Variants in AKR1B10 observed in about 807,000 individuals in gnomAD.
AKR1B10 encodes aldo-keto reductase family 1 member B10, also known as ARP.
A neutral mutation model predicts 38.9 loss-of-function variants in AKR1B10; 39 were observed. The ratio of observed to expected loss-of-function variants is 1.00; its 90% CI spans 0.78 to 1.31. The LOEUF (loss-of-function observed/expected upper bound fraction) is 1.31, where lower values mean the gene tolerates loss of function less well. Ranked by LOEUF, AKR1B10 falls within the 50% of genes most tolerant of loss-of-function variation. The probability of loss-of-function intolerance (pLI) is 0.00; values close to 1 mark genes in which losing one functional copy is unlikely to be tolerated. For missense variants in AKR1B10, 361 were observed against 382.6 expected, an observed-to-expected ratio of 0.94 and a Z score of 0.47; for synonymous variants, 148 against 141.2, an observed-to-expected ratio of 1.05 and a Z score of -0.34.
chr7:134,532,574 G>A (rs1365413676), intron 3 of AKR1B10, among the ~76,000 whole-genome samples: 2 of 152,160 alleles, frequency 1.3e-5, no homozygotes, highest in African/African-American at 2.4e-5. Context: ...ACCAACTGGA[G>A]TGATGATGGC....
At chr7:134,533,242 G>A (rs552042119) in intron 4 of AKR1B10, among the ~76,000 whole-genome samples, 161 bp downstream of exon 4, 29 of 152,152 alleles carry the variant, frequency 1.9e-4, no homozygotes, top group African/African-American at 6.7e-4. Context: ...TGGCTTTTGG[G>A]TACATCTGAT....
At chr7:134,532,062 G>A (rs1807873694) in intron 3 of AKR1B10, 38 bp downstream of exon 3, 9 of 1,611,394 alleles carry the variant, frequency 5.6e-6, no homozygotes, top group South Asian at 1.1e-5. Flanking sequence ...TAGTTTCTGA[G>A]CAGGTGCCAG....
At chr7:134,536,795 G>T (rs760257763) in intron 5 of AKR1B10, 23 bp downstream of exon 5, 1 of 1,613,614 alleles carries the variant, frequency 6.2e-7, no homozygotes, top group East Asian at 2.2e-5. Context: ...CAGTTTAAGG[G>T]TAAGGGTCCT....
In AKR1B10 at chr7:134,527,872, G is replaced by C. The variant is rs1313233909; in HGVS notation, c.-40G>C. ...AACAGCAACAGAGAGCAGGACGTGA[G>C]ACTTCTACCTGCTCACTCAGAATCA... On this transcript the variant is annotated 5_prime_UTR_variant, in exon 1 of 10. Coordinates refer to ENST00000359579, the MANE Select transcript of AKR1B10 (RefSeq NM_020299.5). 2 of 1,611,958 alleles carry C rather than the reference G, an allele frequency of 1.2e-6. No homozygotes were observed. Among genetic ancestry groups the C allele is most frequent in the Non-Finnish European group, 1.7e-6 (2 of 1,179,814 alleles).
intron 4 of AKR1B10, among the ~76,000 whole-genome samples, chr7:134,535,075 C>T (rs1370998694): frequency 2.0e-5 from 3 of 152,030 alleles, no homozygotes; most frequent in African/African-American, 7.2e-5. Context: ...CAGCCTCGGA[C>T]TCCTGGGCTG....
rs765236603 is a variant in AKR1B10, at chr7:134,538,259, C to T, written c.807C>T (p.Arg269=). Residue 269 remains arginine (R), a synonymous_variant, in exon 8 of 10, where the codon CGC becomes CGT. Transcript: ENST00000359579. ...IVIPKSVTPA[R]IVENIQVFDF... The stretch of plus-strand genomic sequence containing the variant: ...TCCCCAAGTCTGTGACACCAGCACG[C>T]ATTGTTGAGAACATTCAGGTAAGTT... 6.2e-7 allele frequency: 1 copy of T among 1,614,024 alleles called. No homozygotes were observed. Among genetic ancestry groups the T allele is most frequent in the Non-Finnish European group, 8.5e-7 (1 of 1,179,912 alleles).
rs775424720 is a variant in AKR1B10, at chr7:134,531,916, C to T, written c.243C>T (p.Pro81=). ...TGCTACACTCTTTGCAGTTGTGGCC[C>T]ACTTTCTTTGAGAGACCCCTTGTGA... ...EDLFIVSKLW[P]TFFERPLVRK... is the part of the protein sequence containing the mutation. Residue 81 remains proline (P), a synonymous_variant, in exon 3 of 10, where the codon CCC becomes CCT. Transcript: ENST00000359579. 6.2e-7 allele frequency: 1 copy of T among 1,614,048 alleles called. No individual in the cohort carries two copies. Among genetic ancestry groups the T allele is most frequent in the Non-Finnish European group, 8.5e-7 (1 of 1,179,958 alleles).
chr7:134,529,134 T>C (rs942138585), intron 1 of AKR1B10, among the ~76,000 whole-genome samples: 5 of 152,156 alleles, frequency 3.3e-5, no homozygotes, highest in Admixed American at 6.5e-5. Context: ...ATGGCTAATG[T>C]CCCTGCTGAG....
In AKR1B10 at chr7:134,536,677, C is replaced by A. The variant is rs1427808653; in HGVS notation, c.457C>A (p.Leu153Met). Residue 153 changes from leucine (L) to methionine (M), a missense_variant, in exon 5 of 10, where the codon CTG (leucine) becomes ATG (methionine). By Grantham distance (15) the Leu-to-Met change is conservative (BLOSUM62 2). Transcript: ENST00000359579. ...CATGGAGGAGCTGGTGGATGAGGGG[C>A]TGGTGAAAGCCCTTGGGGTCTCCAA... ...EAMEELVDEG[L>M]VKALGVSNFS... 1 of 1,613,874 alleles carries A rather than the reference C, an allele frequency of 6.2e-7. No homozygotes were observed. The highest frequency in any genetic ancestry group is 1.7e-5 in the Admixed American group (1 of 60,012).
At chr7:134,535,273 G>A (rs1255020196) in intron 4 of AKR1B10, among the ~76,000 whole-genome samples, 5 of 152,016 alleles carry the variant, frequency 3.3e-5, no homozygotes, top group Non-Finnish European at 7.4e-5. Flanking sequence ...TTATTAGTAG[G>A]TATTATAAGA....
At chr7:134,538,794 T>A (rs1259242173) in intron 8 of AKR1B10, 141 bp from the exon 9 acceptor site, 8 of 887,802 alleles carry the variant, frequency 9.0e-6, no homozygotes, top group Non-Finnish European at 1.4e-5. Flanking sequence ...AAAATTTGTA[T>A]CCCGTGGACA....
intron 1 of AKR1B10, among the ~76,000 whole-genome samples, chr7:134,528,500 G>A (rs1315821835): frequency 6.6e-6 from 1 of 152,172 alleles, no homozygotes; most frequent in Non-Finnish European, 1.5e-5. Context: ...CAGACGGGAG[G>A]GTTGCTTGAG....
chr7:134,534,475 A>C (rs758757165), intron 4 of AKR1B10, among the ~76,000 whole-genome samples: 1 of 152,216 alleles, frequency 6.6e-6, no homozygotes, highest in Non-Finnish European at 1.5e-5. Flanking sequence ...GATGCCATGA[A>C]GTATGGCAAG....
At chr7:134,529,449 A>T (rs1379234023) in intron 1 of AKR1B10, among the ~76,000 whole-genome samples, 1 of 152,198 alleles carries the variant, frequency 6.6e-6, no homozygotes, top group Non-Finnish European at 1.5e-5. Flanking sequence ...TTGGAATTGA[A>T]TGAAAGAATT....
At chr7:134,540,329 CT>C (rs1487658737) in intron 9 of AKR1B10, among the ~76,000 whole-genome samples, 1 of 152,132 alleles carries the variant, frequency 6.6e-6, no homozygotes. Context: ...CTTACAATGG[CT>C]TACTTTTATT....
intron 1 of AKR1B10, among the ~76,000 whole-genome samples, chr7:134,529,546 C>T (rs995817332): frequency 6.6e-6 from 1 of 152,056 alleles, no homozygotes; most frequent in Admixed American, 6.6e-5. Flanking sequence ...TGTAGCGTAG[C>T]GGTTGGGGGC....
chr7:134,532,340 T>C (rs1807883930), intron 3 of AKR1B10, among the ~76,000 whole-genome samples: 1 of 152,184 alleles, frequency 6.6e-6, no homozygotes, highest in African/African-American at 2.4e-5. Flanking sequence ...GCCCCAGGGT[T>C]GCCCTCCCAG....
At chr7:134,540,898 T>C in intron 9 of AKR1B10, 149 bp from the exon 10 acceptor site, 1 of 646,296 alleles carries the variant, frequency 1.5e-6, no homozygotes, top group African/African-American at 1.9e-5. Flanking sequence ...AAGGTCAAAG[T>C]GTGGGCACCC....
chr7:134,536,173 G>A (rs529809782), intron 4 of AKR1B10, among the ~76,000 whole-genome samples: 2 of 152,312 alleles, frequency 1.3e-5, no homozygotes, highest in East Asian at 1.9e-4. Flanking sequence ...AGGCTTCTCC[G>A]TATGCTGCAG....
Sources: allele counts gnomAD v4.1 joint callset (sites outside exome capture counted in the v4.1 genomes callset), GRCh38; gene constraint gnomAD v4.1.1; transcripts MANE v1.5; gene names NCBI Gene and HGNC (gene_info 2026-07-23, HGNC 2026-07-21).